PTPRN2: variants seen among roughly 807,000 people sequenced by gnomAD.
PTPRN2 encodes the protein protein tyrosine phosphatase receptor type N2.
A neutral mutation model predicts 118.8 loss-of-function variants in PTPRN2; 74 were observed. The ratio of observed to expected loss-of-function variants is 0.62; its 90% confidence interval spans 0.52 to 0.76. The LOEUF is 0.76. Among genes scored for constraint, PTPRN2 ranks in the 30% least tolerant of loss-of-function variants. The pLI is 0.00. For synonymous variants in PTPRN2, 641 were observed against 608.0 expected (o/e 1.05, Z -0.80); for missense variants, 1,481 against 1,394.4 (o/e 1.06, Z -0.99).
At chr7:158,411,750 G>C (rs1814112392) in intron 2 of PTPRN2, among the ~76,000 whole-genome samples, 1 of 152,204 alleles carries the variant, frequency 6.6e-6, no homozygotes, top group Non-Finnish European at 1.5e-5. Context: ...ATGGTCTCAG[G>C]GGCCAGGGCC....
intron 2 of PTPRN2, among the ~76,000 whole-genome samples, chr7:158,337,277 T>A (rs1270413780): frequency 8.0e-6 from 1 of 125,786 alleles, no homozygotes. Context: ...TCACTCAAAC[T>A]CACACTCTCA....
chr7:158,119,338 A>G (rs145731728), intron 9 of PTPRN2, among the ~76,000 whole-genome samples: 3 of 152,278 alleles, frequency 2.0e-5, no homozygotes, highest in Non-Finnish European at 2.9e-5. Flanking sequence ...CCTCATACCT[A>G]TCAGGATGGC....
At chr7:157,884,514 C>G (rs1438970639) in intron 12 of PTPRN2, among the ~76,000 whole-genome samples, 3 of 152,214 alleles carry the variant, frequency 2.0e-5, no homozygotes, top group Non-Finnish European at 4.4e-5. Context: ...CTCTGGTCCC[C>G]TCCTGTGTTA....
At chr7:158,559,231 C>T (rs186545977) in intron 1 of PTPRN2, among the ~76,000 whole-genome samples, 4 of 152,296 alleles carry the variant, frequency 2.6e-5, no homozygotes, top group African/African-American at 9.6e-5. Context: ...ATTTCTATTG[C>T]TCTCATTACA....
At chr7:157,740,007 G>A (rs546177322) in intron 12 of PTPRN2, among the ~76,000 whole-genome samples, 34 of 152,356 alleles carry the variant, frequency 2.2e-4, no homozygotes, top group African/African-American at 7.9e-4. Flanking sequence ...TCCACTTTTA[G>A]CACAGCTGGA....
Position 157,787,525 on chromosome 7 carries a change from C to T in PTPRN2, c.1789-104588G>A, listed in dbSNP as rs1804142006. 1.3e-5 allele frequency among the ~76,000 whole-genome samples: 2 copies of T among 152,164 alleles called. No homozygotes were observed. The highest frequency in any genetic ancestry group is 1.3e-4 in the Admixed American group (2 of 15,276). On this transcript the variant is annotated intron_variant, in intron 12 of 22. Coordinates refer to ENST00000389418, the MANE Select transcript of PTPRN2 (RefSeq NM_002847.5). This position sits in a 1 kb window ranked among gnomAD's most constrained non-coding sequence, Gnocchi z 5.3. ...CCACAGTCTAGGGGGCCAGGAGAGCCCCTGGGCCTCACGTCCTGCTTCTCT... is the reference window on the plus strand; with the variant it reads ...CCACAGTCTAGGGGGCCAGGAGAGCTCCTGGGCCTCACGTCCTGCTTCTCT...
At chr7:158,216,714 A>C (rs1209805175) in intron 3 of PTPRN2, among the ~76,000 whole-genome samples, 1 of 152,170 alleles carries the variant, frequency 6.6e-6, no homozygotes, top group Non-Finnish European at 1.5e-5. Flanking sequence ...AAAATCAACA[A>C]AGATAGAAAA....
chr7:157,724,395 T>C (rs890355837), intron 12 of PTPRN2, among the ~76,000 whole-genome samples: 9 of 152,230 alleles, frequency 5.9e-5, no homozygotes, highest in African/African-American at 2.2e-4. Flanking sequence ...CTGAAAGCTT[T>C]GTTTGTCTAT....
At chr7:158,541,965 G>A (rs1314008099) in intron 1 of PTPRN2, among the ~76,000 whole-genome samples, 3 of 152,222 alleles carry the variant, frequency 2.0e-5, no homozygotes, top group African/African-American at 4.8e-5. Flanking sequence ...TTACAACCAT[G>A]AATTAACAGA....
At chr7:157,601,446 T>G (rs1158103332) in intron 16 of PTPRN2, among the ~76,000 whole-genome samples, 1 of 135,486 alleles carries the variant, frequency 7.4e-6, no homozygotes, top group African/African-American at 3.1e-5. Flanking sequence ...AACCCAAATT[T>G]GGAAAAAAAA....
At chr7:158,264,063 C>G (rs553493880) in intron 3 of PTPRN2, among the ~76,000 whole-genome samples, 1 of 152,178 alleles carries the variant, frequency 6.6e-6, no homozygotes, top group Admixed American at 6.5e-5. Flanking sequence ...GACTTTGGAG[C>G]GGCAAACGGT....
At chr7:158,571,506 A>C (rs1190529732) in intron 1 of PTPRN2, among the ~76,000 whole-genome samples, 1 of 148,210 alleles carries the variant, frequency 6.7e-6, no homozygotes, top group Non-Finnish European at 1.5e-5. Context: ...AAAAAACAAA[A>C]AAAAACACAC....
Position 157,857,286 on chromosome 7 carries a change from C to G in PTPRN2, c.1788+41387G>C, listed in dbSNP as rs549652965. On this transcript the variant is annotated intron_variant, in intron 12 of 22. Transcript: ENST00000389418. Reference sequence around the variant, plus strand: ...TGATTTCACCGTTCCTGTTTTCCCTCAAGCCTATGGAGAGGCCACGTTGAG... The same window carrying G: ...TGATTTCACCGTTCCTGTTTTCCCTGAAGCCTATGGAGAGGCCACGTTGAG... 5 of 152,430 alleles carry G rather than the reference C, an allele frequency of 3.3e-5. No homozygotes were observed. The East Asian group carries it at 9.6e-4, about 29-fold the overall frequency. 9.4% of individuals were successfully genotyped at this position (152,430 alleles called of 1,614,324 possible).
intron 2 of PTPRN2, among the ~76,000 whole-genome samples, chr7:158,331,676 C>T (rs1264961510): frequency 6.7e-6 from 1 of 149,950 alleles, no homozygotes; most frequent in Non-Finnish European, 1.5e-5. Context: ...GACACTCTCA[C>T]CATAAGAGGT....
intron 1 of PTPRN2, among the ~76,000 whole-genome samples, chr7:158,491,126 C>T (rs975640295): frequency 1.3e-5 from 2 of 152,250 alleles, no homozygotes; most frequent in African/African-American, 2.4e-5. Flanking sequence ...CTTAAACCAG[C>T]ACGTGCGGAG....
Position 157,674,899 on chromosome 7 carries a change from C to T in PTPRN2, c.2001+7826G>A, listed in dbSNP as rs561907283. Among the ~76,000 whole-genome samples, 56 of 152,302 alleles carry T rather than the reference C, an allele frequency of 3.7e-4. No individual in the cohort carries two copies. The highest frequency in any genetic ancestry group is 6.5e-4 in the Non-Finnish European group (44 of 68,006). The stretch of plus-strand genomic sequence containing the variant: ...CTCCAGGAGCTACCCGAGGCTTCTT[C>T]TCCTTGCCAACAACGATGCCCTCCT... On this transcript the variant is annotated intron_variant, in intron 13 of 22. Coordinates refer to ENST00000389418, the MANE Select transcript of PTPRN2 (RefSeq NM_002847.5). The surrounding 1 kb of genome is among the most constrained non-coding windows in gnomAD (Gnocchi z 4.5).
intron 12 of PTPRN2, among the ~76,000 whole-genome samples, chr7:157,700,961 T>G (rs1260282853): frequency 3.0e-4 from 45 of 152,328 alleles, no homozygotes; most frequent in African/African-American, 1.1e-3. Flanking sequence ...TGCTCATCAT[T>G]TCACGCATGT....
chr7:158,334,370 C>T (rs796172560), intron 2 of PTPRN2, among the ~76,000 whole-genome samples: 16 of 13,870 alleles, frequency 1.2e-3, no homozygotes, highest in South Asian at 2.7e-3. Context: ...AGCTGACGCC[C>T]GCAGATGTCA....
chr7:158,405,022 GCCCCAGCTCCCCGGC>G (rs531271405), intron 2 of PTPRN2, among the ~76,000 whole-genome samples: 105 of 117,020 alleles, frequency 9.0e-4, no homozygotes, highest in African/African-American at 3.0e-3. Context: ...CAGCTCCCCG[GCCCCAGCTCCCCGGC>G]CCCCAGCTCC....
Sources: gnomAD v4.1 joint callset for allele counts (sites outside exome capture counted in the v4.1 genomes callset) on GRCh38, gnomAD v4.1.1 for gene constraint, Gnocchi (gnomAD v3.1) non-coding constraint, MANE v1.5 for transcripts, NCBI Gene and HGNC (gene_info 2026-07-23, HGNC 2026-07-21) for gene names.